CRNKL1: variants seen among roughly 807,000 people sequenced by gnomAD.
The protein encoded by CRNKL1 is crooked neck pre-mRNA splicing factor 1.
In CRNKL1, 35 loss-of-function variants were observed where a neutral mutation model predicts 103.7. That is an observed-to-expected ratio of 0.34 (90% CI 0.26 to 0.45). The LOEUF (loss-of-function observed/expected upper bound fraction) is 0.45. Among genes scored for constraint, CRNKL1 ranks in the 20% least tolerant of loss-of-function variants. CRNKL1 has a pLI of 1.00. For missense variants in CRNKL1, 645 were observed against 836.0 expected, an observed-to-expected ratio of 0.77 and a Z score of 2.82; for synonymous variants, 267 against 282.6, an observed-to-expected ratio of 0.94 and a Z score of 0.55.
chr20:20,047,819 T>G lies in CRNKL1; in HGVS notation c.568A>C (p.Asn190His). 6.2e-7 allele frequency: 1 copy of G among 1,614,230 alleles called. No homozygotes were observed. The highest frequency in any genetic ancestry group is 8.5e-7 in the Non-Finnish European group (1 of 1,180,034). ...PEEQAWHSYI[N>H]FELRYKEVDR... The stretch of plus-strand genomic sequence containing the variant: ...ACCTCTTTGTATCTCAGCTCAAAGT[T>G]GATGTAGGAGTGCCAGGCTTGCTCC... The change falls in exon 5 of 14, where the codon AAC becomes CAC. Residue 190 changes from asparagine to histidine, a missense_variant. Physicochemically the swap from Asn to His is moderately conservative, Grantham distance 68. Transcript: ENST00000536226.
upstream of CRNKL1, among the ~76,000 whole-genome samples, chr20:20,055,119 C>G (rs572185078): frequency 2.1e-3 from 322 of 152,216 alleles, no homozygotes; most frequent in African/African-American, 7.5e-3. Flanking sequence ...ATTTTAATAA[C>G]CACGTATTTC....
At chr20:20,047,286 G>A (rs6112732) in intron 5 of CRNKL1, among the ~76,000 whole-genome samples, 1,760 of 152,092 alleles carry the variant, frequency 0.012, 22 homozygotes, top group African/African-American at 0.04. Context: ...TGAACATGTC[G>A]TTTTTTTGCT....
chr20:20,045,238 G>A, intron 6 of CRNKL1, 70 bp downstream of exon 6: 3 of 1,294,938 alleles, frequency 2.3e-6, no homozygotes, highest in South Asian at 1.6e-5. Flanking sequence ...AAATGGAAAT[G>A]AACTCACCAT....
intron 12 of CRNKL1, 118 bp downstream of exon 12, chr20:20,038,231 A>G (rs2043453958): frequency 3.2e-6 from 2 of 626,428 alleles, no homozygotes. Context: ...AAAAGCAAGG[A>G]AGTCATTAAA....
upstream of CRNKL1, chr20:20,052,627 G>T (rs759281207): frequency 1.2e-6 from 2 of 1,613,650 alleles, no homozygotes; most frequent in South Asian, 1.1e-5. Flanking sequence ...GCGACGCAAG[G>T]ACTGCGGTGC....
chr20:20,052,349 A>C lies in CRNKL1; in HGVS notation c.-7T>G, dbSNP rs772726100. 2 of 1,613,944 alleles carry C rather than the reference A, an allele frequency of 1.2e-6. No homozygotes were observed. The highest frequency in any genetic ancestry group is 1.7e-6 in the Non-Finnish European group (2 of 1,180,028). On this transcript the variant is annotated 5_prime_UTR_variant, in exon 1 of 14. Coordinates refer to ENST00000536226, the MANE Select transcript of CRNKL1 (RefSeq NM_001278628.2). ...CCGCGGTGGAGGCCGCCATGTCTGC[A>C]GCAGTCGACCTCTGGACACCTGTCC...
chr20:20,045,258 G>GT lies in CRNKL1; in HGVS notation c.801+49dup, dbSNP rs770494516. ...GAAATGAACTCACCATGCACAAAAT[G>GT]TAATCTTTGCTAAGCTGTTTTACAG... is the stretch of plus-strand genomic sequence containing the variant. On this transcript the variant is annotated intron_variant, in intron 6 of 13. Transcript: ENST00000536226. The GT allele has an allele frequency of 3.5e-6, 5 of 1,448,374 alleles. No individual in the cohort carries two copies. In the East Asian group the frequency reaches 1.2e-4, roughly 34 times the overall value. The allele number at this position is 1,448,374 out of a possible 1,614,324, so 89.7% of individuals were successfully genotyped here.
intron 13 of CRNKL1, among the ~76,000 whole-genome samples, chr20:20,036,979 G>A (rs181285143): frequency 1.4e-4 from 21 of 152,232 alleles, no homozygotes; most frequent in Admixed American, 1.2e-3. Context: ...CCTTCTTACC[G>A]CCTACAAGCC....
upstream of CRNKL1, among the ~76,000 whole-genome samples, chr20:20,054,438 TAC>T (rs1001861073): frequency 1.3e-5 from 2 of 151,640 alleles, no homozygotes; most frequent in Non-Finnish European, 2.9e-5. Context: ...CATACACATA[TAC>T]ACACACACAT....
intron 5 of CRNKL1, among the ~76,000 whole-genome samples, chr20:20,047,464 T>C (rs2043611434): frequency 6.6e-6 from 1 of 152,166 alleles, no homozygotes; most frequent in Non-Finnish European, 1.5e-5. Flanking sequence ...GATTTTGGTA[T>C]CCCCTTGAGT....
intron 13 of CRNKL1, among the ~76,000 whole-genome samples, chr20:20,036,889 T>C (rs889168464): frequency 7.2e-5 from 11 of 152,180 alleles, no homozygotes; most frequent in Middle Eastern, 3.2e-3. Flanking sequence ...TCTAAGCCCC[T>C]TGAGTCTGCC....
At chr20:20,052,821 G>T, upstream of CRNKL1, 1 of 1,223,496 alleles carries the variant, frequency 8.2e-7, no homozygotes, top group African/African-American at 1.5e-5. Flanking sequence ...GACGGGGCGA[G>T]CTGCCGCCCT....
chr20:20,044,333 C>T (rs1336180375), intron 6 of CRNKL1, among the ~76,000 whole-genome samples: 3 of 152,194 alleles, frequency 2.0e-5, no homozygotes, highest in Non-Finnish European at 2.9e-5. Context: ...TCTGAACTCC[C>T]TAGCATGGTC....
At position 20,035,328 on chromosome 20, in the gene CRNKL1, C is replaced by T. The variant is rs1383925717; in HGVS notation, c.*867G>A. 6.6e-6 allele frequency: 1 copy of T among 152,104 alleles called. No individual in the cohort carries two copies. The highest frequency in any genetic ancestry group is 1.5e-5 in the Non-Finnish European group (1 of 68,034). The allele number at this position is 152,104 out of a possible 1,614,324, so 9.4% of individuals were successfully genotyped here. Reference sequence around the variant, plus strand: ...CCTAACTATAAAGAGATTTGATTAACGAGACTTAAGTCTTAGTCCAGAATT... The same window carrying T: ...CCTAACTATAAAGAGATTTGATTAATGAGACTTAAGTCTTAGTCCAGAATT... On this transcript the variant is annotated 3_prime_UTR_variant, in exon 14 of 14. Transcript: ENST00000536226.
In CRNKL1 at chr20:20,036,014, C is replaced by A; in HGVS notation, c.*181G>T. 1.6e-6 allele frequency: 1 copy of A among 607,054 alleles called. No homozygotes were observed. The highest frequency in any genetic ancestry group is 2.7e-6 in the Non-Finnish European group (1 of 370,122). The allele number at this position is 607,054 out of a possible 1,614,324, so 37.6% of individuals were successfully genotyped here. A position where few individuals can be genotyped will look rare whatever the true frequency, so the allele number is the denominator to read the frequency against. ...AACAAATCCAGCAGTTAAAAAAGTC[C>A]TTTACTTGCAATCCCTACCCCTAGC... is the stretch of plus-strand genomic sequence containing the variant. On this transcript the variant is annotated 3_prime_UTR_variant, in exon 14 of 14. Transcript: ENST00000536226.
chr20:20,040,769 A>G lies in CRNKL1; in HGVS notation c.1225-3T>C. Reference sequence around the variant, plus strand: ...ATCCACATTTTGGCAAATGTGAACTAGAAAACAAAAGCACAAAAATATCTA... The same window carrying G: ...ATCCACATTTTGGCAAATGTGAACTGGAAAACAAAAGCACAAAAATATCTA... On this transcript the variant is annotated splice_region_variant and splice_polypyrimidine_tract_variant and intron_variant, in intron 9 of 13. Transcript: ENST00000536226. The G allele has an allele frequency of 6.3e-7, 1 of 1,594,690 alleles. No individual in the cohort carries two copies.
At chr20:20,055,446 C>T (rs2044236982), upstream of CRNKL1, among the ~76,000 whole-genome samples, 1 of 152,168 alleles carries the variant, frequency 6.6e-6, no homozygotes, top group Non-Finnish European at 1.5e-5. Flanking sequence ...CCGAGGGGCC[C>T]ATCCAAAGTC....
In CRNKL1 at chr20:20,039,742, A is replaced by G. The variant is rs764813236; in HGVS notation, c.1412T>C (p.Phe471Ser). The G allele has an allele frequency of 1.9e-6, 3 of 1,614,224 alleles. No homozygotes were observed. In the South Asian group the frequency reaches 3.3e-5, roughly 18 times the overall value. Residue 471 changes from phenylalanine (F) to serine (S), a missense_variant, in exon 11 of 14, where the codon TTC becomes TCC. This residue lies in a region of CRNKL1 where 582 missense variants were observed against 707.7 expected (regional missense o/e 0.82). Transcript: ENST00000536226. Reference protein sequence around the residue: ...FDRCRKLYEKFLEFGPENCTS... With the variant: ...FDRCRKLYEKSLEFGPENCTS... ...ACAATTTTCAGGTCCAAATTCCAGG[A>G]ACTTTTCATAAAGCTTCCGGCATCT... is the stretch of plus-strand genomic sequence containing the variant.
At chr20:20,038,108 CT>C (rs1360485721) in intron 12 of CRNKL1, among the ~76,000 whole-genome samples, 1 of 151,144 alleles carries the variant, frequency 6.6e-6, no homozygotes, top group African/African-American at 2.4e-5. Context: ...AATAGTTTAA[CT>C]TTTTTTCAAT....
Sources: allele counts gnomAD v4.1 joint callset (sites outside exome capture counted in the v4.1 genomes callset), GRCh38; gene constraint gnomAD v4.1.1; regional missense constraint gnomAD v4.1.1; transcripts MANE v1.5; gene names NCBI Gene and HGNC (gene_info 2026-07-23, HGNC 2026-07-21).